OTUD7A: variants seen among roughly 807,000 people sequenced by gnomAD.
The protein encoded by OTUD7A is OTU domain-containing protein 7A.
In OTUD7A, 12 loss-of-function variants were observed where a neutral mutation model predicts 65.7. That is an observed-to-expected ratio of 0.18 (90% CI 0.12 to 0.30). The LOEUF (loss-of-function observed/expected upper bound fraction) is 0.30. Among genes scored for constraint, OTUD7A ranks in the 10% least tolerant of loss-of-function variants. The probability of loss-of-function intolerance (pLI) is 1.00; values close to 1 mark genes in which losing one functional copy is unlikely to be tolerated. For synonymous variants in OTUD7A, 641 were observed against 586.3 expected (o/e 1.09, Z -1.35); for missense variants, 1,148 against 1,304.8 (o/e 0.88, Z 1.85).
chr15:31,558,638 A>T (rs16956871), intron 5 of OTUD7A: 1 of 350,650 alleles, frequency 2.9e-6, no homozygotes, highest in Non-Finnish European at 5.2e-6. Context: ...CCTATCTTTC[A>T]TTCAACACCC....
At position 31,484,278 on chromosome 15, in the gene OTUD7A, C is replaced by T; in HGVS notation, c.1818G>A (p.Ser606=). The stretch of plus-strand genomic sequence containing the variant: ...GCGGCCCACCGCCCTTCTCCGCCGG[C>T]GACGCGCCCGCTGCCTTGTCTGTGG... ...PSPTDKAAGA[S]PAEKGGGPRG... The change falls in exon 13 of 13, where the codon TCG becomes TCA. Residue 606 remains serine (S), a synonymous_variant. Transcript: ENST00000307050. This position sits in a 1 kb window ranked among gnomAD's most constrained non-coding sequence, Gnocchi z 4.5. 1.3e-6 allele frequency: 2 copies of T among 1,592,416 alleles called. No individual in the cohort carries two copies. The highest frequency in any genetic ancestry group is 8.5e-7 in the Non-Finnish European group (1 of 1,173,498).
chr15:31,530,169 G>A (rs1447552158), intron 6 of OTUD7A, among the ~76,000 whole-genome samples: 1 of 152,180 alleles, frequency 6.6e-6, no homozygotes. Context: ...ACCTACGTCT[G>A]TTTCCATTAG....
chr15:31,869,342 C>T (rs1159830209), intron 1 of OTUD7A, among the ~76,000 whole-genome samples: 1 of 152,152 alleles, frequency 6.6e-6, no homozygotes, highest in African/African-American at 2.4e-5. Context: ...CAGGCTTCTC[C>T]GGGCACACCC....
chr15:31,513,477 G>A (rs1391768334), intron 8 of OTUD7A, among the ~76,000 whole-genome samples: 1 of 152,226 alleles, frequency 6.6e-6, no homozygotes, highest in East Asian at 1.9e-4. Context: ...TCAGGATCAG[G>A]TGCTGCATTC....
chr15:31,526,598 T>C (rs921780077), intron 7 of OTUD7A, 137 bp from the exon 8 acceptor site: 14 of 612,102 alleles, frequency 2.3e-5, no homozygotes. Flanking sequence ...CTATACCAAC[T>C]GCACCCTCTT....
At chr15:31,625,411 T>C (rs529183279) in intron 3 of OTUD7A, among the ~76,000 whole-genome samples, 23 of 139,354 alleles carry the variant, frequency 1.7e-4, no homozygotes, top group African/African-American at 5.9e-4. Flanking sequence ...ATTCCTGATT[T>C]AAAAAAAAAA....
intron 1 of OTUD7A, among the ~76,000 whole-genome samples, chr15:31,661,649 T>A (rs1360372840): frequency 6.6e-6 from 1 of 152,218 alleles, no homozygotes; most frequent in East Asian, 1.9e-4. Flanking sequence ...ACACATTATT[T>A]CATCCACAAC....
At chr15:31,604,432 C>T (rs959869797) in intron 3 of OTUD7A, among the ~76,000 whole-genome samples, 37 of 150,872 alleles carry the variant, frequency 2.5e-4, no homozygotes, top group South Asian at 2.1e-4. Context: ...CATCACACAT[C>T]GGGGCCTGTT....
intron 1 of OTUD7A, chr15:31,766,073 T>A: frequency 4.7e-6 from 7 of 1,485,188 alleles, no homozygotes; most frequent in Non-Finnish European, 6.6e-6. Context: ...TTTCAATATG[T>A]CCCCTTTTTA....
intron 3 of OTUD7A, among the ~76,000 whole-genome samples, chr15:31,649,035 A>G (rs1349503901): frequency 6.6e-6 from 1 of 152,224 alleles, no homozygotes; most frequent in Non-Finnish European, 1.5e-5. Flanking sequence ...TGCTAGGATT[A>G]CAGGCATGAG....
At position 31,476,019 on chromosome 15, in the gene OTUD7A, G is replaced by T. The variant is rs537169799; in HGVS notation, c.*7275C>A. The T allele has an allele frequency of 5.9e-4, 90 of 152,326 alleles. No individual in the cohort carries two copies. Among genetic ancestry groups the T allele is most frequent in the African/African-American group, 2.1e-3 (88 of 41,570 alleles). 9.4% of individuals were successfully genotyped at this position (152,326 alleles called of 1,614,324 possible). On this transcript the variant is annotated 3_prime_UTR_variant, in exon 13 of 13. Transcript: ENST00000307050. ...TTCAACAATCCTTAGTTAAAACAAG[G>T]CCAAATTCTCAAAGGTGATGGTGAA...
intron 4 of OTUD7A, among the ~76,000 whole-genome samples, 181 bp from the exon 5 acceptor site, chr15:31,559,368 A>G (rs1362787613): frequency 6.6e-6 from 1 of 152,222 alleles, no homozygotes; most frequent in Non-Finnish European, 1.5e-5. Flanking sequence ...ACACATATGA[A>G]CACACCATAC....
intron 1 of OTUD7A, among the ~76,000 whole-genome samples, chr15:31,857,061 C>T (rs1897593276): frequency 6.6e-6 from 1 of 152,222 alleles, no homozygotes; most frequent in Non-Finnish European, 1.5e-5. Flanking sequence ...GTCTTACCCT[C>T]ATTCCACAAC....
intron 3 of OTUD7A, among the ~76,000 whole-genome samples, chr15:31,629,317 T>C (rs1191595892): frequency 2.0e-5 from 3 of 152,244 alleles, no homozygotes; most frequent in Admixed American, 2.0e-4. Flanking sequence ...TGTTGAATTT[T>C]GTCAAAGGCC....
chr15:31,826,889 C>T (rs575956799), intron 1 of OTUD7A, among the ~76,000 whole-genome samples: 1 of 152,322 alleles, frequency 6.6e-6, no homozygotes, highest in South Asian at 2.1e-4. Flanking sequence ...GTCATCTTTG[C>T]TTCAGTTCTC....
At chr15:31,647,410 A>C (rs1391064264) in intron 3 of OTUD7A, among the ~76,000 whole-genome samples, 1 of 152,250 alleles carries the variant, frequency 6.6e-6, no homozygotes, top group Non-Finnish European at 1.5e-5. Flanking sequence ...AGGCACAACC[A>C]AACACAAGCT....
chr15:31,608,101 G>T (rs1566941580), intron 3 of OTUD7A, among the ~76,000 whole-genome samples: 1 of 152,086 alleles, frequency 6.6e-6, no homozygotes, highest in African/African-American at 2.4e-5. Context: ...ACAAAAATTA[G>T]CTGCGCATGG....
intron 4 of OTUD7A, among the ~76,000 whole-genome samples, chr15:31,565,988 C>T (rs956484890): frequency 5.3e-5 from 8 of 152,008 alleles, no homozygotes; most frequent in Non-Finnish European, 1.2e-4. Context: ...GTCAGGAGAT[C>T]GAGACCATCC....
chr15:31,820,906 T>C (rs1239027840), intron 1 of OTUD7A, among the ~76,000 whole-genome samples: 1 of 152,036 alleles, frequency 6.6e-6, no homozygotes, highest in Non-Finnish European at 1.5e-5. Context: ...TTCTAGAGCA[T>C]TTTCATCACC....
Sources: gnomAD v4.1 joint callset for allele counts (sites outside exome capture counted in the v4.1 genomes callset) on GRCh38, gnomAD v4.1.1 for gene constraint, Gnocchi (gnomAD v3.1) non-coding constraint, MANE v1.5 for transcripts, NCBI Gene and HGNC (gene_info 2026-07-23, HGNC 2026-07-21) for gene names.